The following ACCSL variants were observed in gnomAD, a reference collection of about 807,000 sequenced individuals.
The protein encoded by ACCSL is 1-aminocyclopropane-1-carboxylate synthase homolog (inactive) like.
Under a neutral mutation model 61.7 loss-of-function variants are expected in ACCSL, and 55 were observed. The ratio of observed to expected loss-of-function variants is 0.89; its 90% CI spans 0.72 to 1.12. ACCSL has a LOEUF of 1.12. Among genes scored for constraint, ACCSL ranks in the 50% most tolerant of loss-of-function variants. The pLI is 0.00. For synonymous variants in ACCSL, 258 were observed against 264.3 expected (o/e 0.98, Z 0.23); for missense variants, 632 against 698.0 (o/e 0.91, Z 1.07).
At chr11:43,950,200 C>T in the ACCSL span, among the ~76,000 whole-genome samples, 1 of 152,196 alleles carries the variant, frequency 6.6e-6, no homozygotes, top group Non-Finnish European at 1.5e-5. Context: ...AACCAATGTA[C>T]ATCTTACACA....
chr11:43,987,794 G>A, the ACCSL span, among the ~76,000 whole-genome samples: 2 of 152,234 alleles, frequency 1.3e-5, no homozygotes, highest in African/African-American at 2.4e-5. Context: ...AGCGCTCGGG[G>A]GGGTCAAGGC....
the ACCSL span, among the ~76,000 whole-genome samples, chr11:43,980,979 A>C: frequency 1.3e-5 from 2 of 152,212 alleles, no homozygotes; most frequent in East Asian, 3.8e-4. Flanking sequence ...AAAGAACATC[A>C]TAGATGATTG....
the ACCSL span, among the ~76,000 whole-genome samples, chr11:44,041,038 G>T: frequency 9.2e-5 from 14 of 152,128 alleles, no homozygotes; most frequent in African/African-American, 3.4e-4. Flanking sequence ...GGACTGTTTT[G>T]AGAATTAAAT....
chr11:44,021,776 C>A, the ACCSL span, among the ~76,000 whole-genome samples: 3 of 152,126 alleles, frequency 2.0e-5, no homozygotes, highest in East Asian at 5.8e-4. Flanking sequence ...CTTTGATCCA[C>A]CTTGAGTTGA....
the ACCSL span, chr11:43,943,838 G>A: frequency 1.5e-6 from 2 of 1,295,246 alleles, no homozygotes; most frequent in African/African-American, 1.5e-5. The surrounding 1 kb of genome is among the most constrained non-coding windows in gnomAD (Gnocchi z 4.8). Flanking sequence ...ATGTCTGTGA[G>A]GCTCCTGAAA....
At chr11:43,940,047 T>C in the ACCSL span, among the ~76,000 whole-genome samples, 1 of 152,254 alleles carries the variant, frequency 6.6e-6, no homozygotes, top group South Asian at 2.1e-4. Context: ...AAGCCTTCAG[T>C]GTTGTGAGGT....
At chr11:43,933,074 T>G in the ACCSL span, 1 of 456,042 alleles carries the variant, frequency 2.2e-6, no homozygotes. Context: ...AGCTGCCCTC[T>G]TCTCTGTTTT....
the ACCSL span, among the ~76,000 whole-genome samples, chr11:44,032,082 C>A: frequency 3.9e-5 from 6 of 152,288 alleles, no homozygotes. Flanking sequence ...TCATACTTAG[C>A]GGCTTAAGAC....
chr11:43,938,526 G>C, the ACCSL span, among the ~76,000 whole-genome samples: 1 of 152,176 alleles, frequency 6.6e-6, no homozygotes, highest in Non-Finnish European at 1.5e-5. Flanking sequence ...GAAAGTGGCT[G>C]CGTGCAGTGA....
At chr11:44,047,946 G>T, upstream of ACCSL, 2 of 1,478,410 alleles carry the variant, frequency 1.4e-6, no homozygotes, top group Non-Finnish European at 1.8e-6. Flanking sequence ...GGACCTGAGG[G>T]TCCAGGAGAT....
chr11:43,977,029 C>T, the ACCSL span, among the ~76,000 whole-genome samples: 2 of 152,176 alleles, frequency 1.3e-5, no homozygotes, highest in African/African-American at 4.8e-5. Flanking sequence ...GAAATGGCCT[C>T]TTGAAAGGCC....
the ACCSL span, among the ~76,000 whole-genome samples, chr11:43,979,565 T>C: frequency 6.6e-6 from 1 of 152,176 alleles, no homozygotes; most frequent in African/African-American, 2.4e-5. Flanking sequence ...ATTCTCATTT[T>C]ATGCCCTGAA....
chr11:43,986,618 C>T, the ACCSL span, among the ~76,000 whole-genome samples: 2 of 152,150 alleles, frequency 1.3e-5, no homozygotes, highest in Non-Finnish European at 2.9e-5. Context: ...AAAACTGTTT[C>T]CCTGGAACTT....
chr11:43,982,312 C>T, the ACCSL span, among the ~76,000 whole-genome samples: 3 of 149,470 alleles, frequency 2.0e-5, no homozygotes, highest in Non-Finnish European at 4.4e-5. Context: ...ACTGAAACCT[C>T]CACCTCCCAG....
At chr11:43,934,878 T>A in the ACCSL span, among the ~76,000 whole-genome samples, 7 of 152,208 alleles carry the variant, frequency 4.6e-5, no homozygotes, top group African/African-American at 1.7e-4. Flanking sequence ...GCCCTGCTAA[T>A]GGCTGAAGAA....
chr11:44,021,988 A>G, the ACCSL span, among the ~76,000 whole-genome samples: 4 of 152,054 alleles, frequency 2.6e-5, no homozygotes, highest in Non-Finnish European at 5.9e-5. Flanking sequence ...GCCTATTTTT[A>G]TACCAGTACC....
the ACCSL span, among the ~76,000 whole-genome samples, chr11:43,967,651 C>T: frequency 6.6e-6 from 1 of 152,130 alleles, no homozygotes; most frequent in African/African-American, 2.4e-5. Flanking sequence ...TCCATGATAA[C>T]ATTTTTTTTT....
At chr11:43,957,633 A>G in the ACCSL span, among the ~76,000 whole-genome samples, 1 of 152,240 alleles carries the variant, frequency 6.6e-6, no homozygotes, top group East Asian at 1.9e-4. Context: ...AAAATATGAC[A>G]AAGAACTATA....
the ACCSL span, among the ~76,000 whole-genome samples, chr11:44,021,852 C>G: frequency 6.6e-6 from 1 of 152,136 alleles, no homozygotes; most frequent in Non-Finnish European, 1.5e-5. Flanking sequence ...CTGATGATCC[C>G]AGGACCATTT....
Sources: allele counts gnomAD v4.1 joint callset (sites outside exome capture counted in the v4.1 genomes callset), GRCh38; gene constraint gnomAD v4.1.1; non-coding constraint Gnocchi (gnomAD v3.1); transcripts MANE v1.5; gene names NCBI Gene and HGNC (gene_info 2026-07-23, HGNC 2026-07-21).